The following GABBR2 variants were observed in gnomAD, a reference collection of about 807,000 sequenced individuals.
GABBR2 encodes G-protein coupled receptor 51.
In GABBR2, 23 loss-of-function variants were observed where a neutral mutation model predicts 105.6. That is an observed-to-expected ratio of 0.22 (90% CI 0.16 to 0.31). The LOEUF (loss-of-function observed/expected upper bound fraction) is 0.31. Ranked by LOEUF, GABBR2 falls within the 10% of genes least tolerant of loss-of-function variation. The pLI is 1.00. For synonymous variants in GABBR2, 478 were observed against 499.7 expected, an observed-to-expected ratio of 0.96 and a Z score of 0.58; for missense variants, 734 against 1,245.5, an observed-to-expected ratio of 0.59 and a Z score of 6.18.
At chr9:98,418,718 A>C (rs1343259743) in intron 7 of GABBR2, among the ~76,000 whole-genome samples, 1 of 152,228 alleles carries the variant, frequency 6.6e-6, no homozygotes, top group African/African-American at 2.4e-5. Flanking sequence ...TGGTTTGGGC[A>C]GACAGATGGA....
chr9:98,484,581 T>C (rs1372203875), intron 4 of GABBR2, among the ~76,000 whole-genome samples: 1 of 151,856 alleles, frequency 6.6e-6, no homozygotes, highest in Non-Finnish European at 1.5e-5. Context: ...TGAGGCTGGA[T>C]GGGGATCTTG....
At chr9:98,320,749 A>G (rs1463519206) in intron 13 of GABBR2, among the ~76,000 whole-genome samples, 1 of 146,220 alleles carries the variant, frequency 6.8e-6, no homozygotes. Context: ...AACACCGCAT[A>G]TTCTCACTCA....
chr9:98,523,509 CA>C (rs897465823), intron 3 of GABBR2, among the ~76,000 whole-genome samples: 4 of 152,202 alleles, frequency 2.6e-5, no homozygotes, highest in African/African-American at 9.7e-5. Context: ...TATTACGTAG[CA>C]AAATGGAATA....
intron 1 of GABBR2, chr9:98,606,828 AAC>A (rs1588249584): frequency 2.6e-6 from 1 of 388,202 alleles, no homozygotes; most frequent in East Asian, 5.4e-5. Context: ...AAAAAGTACA[AAC>A]AGTGCGAGAG....
chr9:98,672,862 A>G (rs1830423278), intron 1 of GABBR2, among the ~76,000 whole-genome samples: 1 of 152,220 alleles, frequency 6.6e-6, no homozygotes, highest in Non-Finnish European at 1.5e-5. Context: ...TGAAAATTTT[A>G]TGATCTATTC....
intron 6 of GABBR2, among the ~76,000 whole-genome samples, chr9:98,470,932 T>C (rs1826660671): frequency 6.6e-6 from 1 of 152,174 alleles, no homozygotes; most frequent in Non-Finnish European, 1.5e-5. Context: ...GGACTAGCGC[T>C]GTTTAGTTTG....
At chr9:98,396,202 A>G (rs1024419498) in intron 8 of GABBR2, among the ~76,000 whole-genome samples, 2 of 152,208 alleles carry the variant, frequency 1.3e-5, no homozygotes, top group South Asian at 2.1e-4. Flanking sequence ...AAGCACAAAG[A>G]GGAGGATTGT....
At position 98,331,163 on chromosome 9, in the gene GABBR2, G is replaced by C. The variant is rs192097603; in HGVS notation, c.1894-19958C>G. On this transcript the variant is annotated intron_variant, in intron 13 of 18. Transcript: ENST00000259455. Reference sequence around the variant, plus strand: ...TTCATTCATCAGCAGATGAACATTTGGGTTGTTTCCACTTTTTGGCATTAT... The same window carrying C: ...TTCATTCATCAGCAGATGAACATTTCGGTTGTTTCCACTTTTTGGCATTAT... 1.1e-4 allele frequency among the ~76,000 whole-genome samples: 16 copies of C among 152,086 alleles called. No individual in the cohort carries two copies. The East Asian group carries it at 3.1e-3, about 29-fold the overall frequency.
chr9:98,545,340 C>T lies in GABBR2; in HGVS notation c.460-3297G>A, dbSNP rs116315608. On this transcript the variant is annotated intron_variant, in intron 2 of 18. Coordinates refer to ENST00000259455, the MANE Select transcript of GABBR2 (RefSeq NM_005458.8). ...TTTCTGCACCATTTGAGATAATGCA[C>T]GCTTTGATTAGATTGCTTTGCGTCA... Among the ~76,000 whole-genome samples the T allele has an allele frequency of 4.1e-3, 621 of 152,288 alleles. 6 individuals carry two copies. The highest frequency in any genetic ancestry group is 0.014 in the African/African-American group (586 of 41,556).
chr9:98,322,330 C>T (rs997328370), intron 13 of GABBR2, among the ~76,000 whole-genome samples: 1 of 152,098 alleles, frequency 6.6e-6, no homozygotes, highest in Non-Finnish European at 1.5e-5. Flanking sequence ...TCTTCAATGC[C>T]CACCCTGGCT....
chr9:98,673,205 T>C (rs1830427957), intron 1 of GABBR2, among the ~76,000 whole-genome samples: 1 of 152,216 alleles, frequency 6.6e-6, no homozygotes, highest in Non-Finnish European at 1.5e-5. Context: ...ATGTGCATCT[T>C]AGAATCAAGA....
intron 1 of GABBR2, among the ~76,000 whole-genome samples, chr9:98,693,033 A>C (rs2131879923): frequency 6.6e-6 from 1 of 151,934 alleles, no homozygotes; most frequent in East Asian, 1.9e-4. Flanking sequence ...TTCTCCCTCG[A>C]CCCCCGGCGT....
intron 2 of GABBR2, among the ~76,000 whole-genome samples, chr9:98,577,044 GTGGA>G (rs60776019): frequency 0.42 from 23,588 of 56,598 alleles, 7,171 homozygotes; most frequent in African/African-American, 0.69. Context: ...GGATGGATAG[GTGGA>G]TGGATGGATG....
At chr9:98,575,159 G>A (rs933537464) in intron 2 of GABBR2, among the ~76,000 whole-genome samples, 1 of 152,138 alleles carries the variant, frequency 6.6e-6, no homozygotes, top group Non-Finnish European at 1.5e-5. Context: ...CTGTGCACAA[G>A]CTCTGCTAGA....
chr9:98,584,644 A>G (rs889567959), intron 1 of GABBR2, among the ~76,000 whole-genome samples: 1 of 152,370 alleles, frequency 6.6e-6, no homozygotes, highest in East Asian at 1.9e-4. Flanking sequence ...GAATTAAAAT[A>G]CTTTTTTGAT....
intron 14 of GABBR2, among the ~76,000 whole-genome samples, chr9:98,307,352 G>A (rs987032135): frequency 6.6e-6 from 1 of 152,178 alleles, no homozygotes; most frequent in Non-Finnish European, 1.5e-5. Flanking sequence ...CAGCTCAGGT[G>A]GGTGTAGGGC....
intron 2 of GABBR2, among the ~76,000 whole-genome samples, chr9:98,544,783 T>C (rs945619989): frequency 6.6e-6 from 1 of 152,188 alleles, no homozygotes; most frequent in Non-Finnish European, 1.5e-5. Context: ...AAAGAATCAG[T>C]GGCTTCCATC....
rs571031742 is a variant in GABBR2 at position 98,362,897 on chromosome 9, C to T, written c.1771-60G>A. On this transcript the variant is annotated intron_variant, in intron 12 of 18. Transcript: ENST00000259455. Reference sequence around the variant, plus strand: ...TGAGAGACAGCTTCCCACGCAGCAACTGGGGGCCCAGGTCATAGGGGGAAC... The same window carrying T: ...TGAGAGACAGCTTCCCACGCAGCAATTGGGGGCCCAGGTCATAGGGGGAAC... The T allele has an allele frequency of 5.3e-5, 75 of 1,420,942 alleles. 1 individual carries two copies. The South Asian group carries it at 1.2e-3, about 23-fold the overall frequency. The allele number at this position is 1,420,942 out of a possible 1,614,324, so 88.0% of individuals were successfully genotyped here. A position where few individuals can be genotyped will look rare whatever the true frequency, so the allele number is the denominator to read the frequency against.
At position 98,454,246 on chromosome 9, in the gene GABBR2, C is replaced by T. The variant is rs749068033; in HGVS notation, c.1000-29G>A. The T allele has an allele frequency of 7.4e-6, 11 of 1,477,202 alleles. No homozygotes were observed. The highest frequency in any genetic ancestry group is 1.0e-5 in the Non-Finnish European group (11 of 1,055,300). The allele number at this position is 1,477,202 out of a possible 1,614,324, so 91.5% of individuals were successfully genotyped here. A position where few individuals can be genotyped will look rare whatever the true frequency, so the allele number is the denominator to read the frequency against. ...GAAAAACAGGGGATTGGGGGAATCC[C>T]AAGTTATACTCGGCAGGGACATCAG... On this transcript the variant is annotated intron_variant, in intron 6 of 18. Coordinates refer to ENST00000259455, the MANE Select transcript of GABBR2 (RefSeq NM_005458.8). This position sits in a 1 kb window ranked among gnomAD's most constrained non-coding sequence, Gnocchi z 4.6.
Sources: gnomAD v4.1 joint callset for allele counts (sites outside exome capture counted in the v4.1 genomes callset) on GRCh38, gnomAD v4.1.1 for gene constraint, Gnocchi (gnomAD v3.1) non-coding constraint, MANE v1.5 for transcripts, NCBI Gene and HGNC (gene_info 2026-07-23, HGNC 2026-07-21) for gene names.